Variants in MCCC1 observed in about 807,000 individuals in gnomAD.
The protein encoded by MCCC1 is methylcrotonoyl-CoA carboxylase subunit alpha, mitochondrial.
In MCCC1, 64 loss-of-function variants were observed where a neutral mutation model predicts 83.8. The ratio of observed to expected loss-of-function variants is 0.76; its 90% CI spans 0.62 to 0.94. MCCC1 has a LOEUF of 0.94. Among genes scored for constraint, MCCC1 ranks in the 40% least tolerant of loss-of-function variants. MCCC1 has a pLI of 0.00. For synonymous variants in MCCC1, 322 were observed against 315.4 expected (o/e 1.02, Z -0.22); for missense variants, 807 against 904.7 (o/e 0.89, Z 1.39).
intron 10 of MCCC1, among the ~76,000 whole-genome samples, chr3:183,043,060 C>T (rs1425177260): frequency 6.6e-6 from 1 of 152,208 alleles, no homozygotes; most frequent in East Asian, 1.9e-4. Flanking sequence ...GAGGCCGAGG[C>T]AGGCGGATCA....
At chr3:183,037,116 A>G (rs1362519488) in intron 13 of MCCC1, 102 bp downstream of exon 13, 2 of 1,093,030 alleles carry the variant, frequency 1.8e-6, no homozygotes, top group African/African-American at 3.1e-5. Flanking sequence ...TCAGTCACTG[A>G]GAGGAGAAAA....
At chr3:183,026,541 C>A (rs908676058) in intron 14 of MCCC1, among the ~76,000 whole-genome samples, 2 of 151,968 alleles carry the variant, frequency 1.3e-5, no homozygotes, top group African/African-American at 2.4e-5. Flanking sequence ...GAAACCCGGT[C>A]TCTACTAAAA....
chr3:183,026,491 C>T (rs1184111389), intron 14 of MCCC1, among the ~76,000 whole-genome samples: 1 of 152,008 alleles, frequency 6.6e-6, no homozygotes, highest in Non-Finnish European at 1.5e-5. Flanking sequence ...GAGTGGGGAT[C>T]ACGAAGTCAG....
At chr3:183,050,498 T>C (rs1577292950) in intron 9 of MCCC1, among the ~76,000 whole-genome samples, 1 of 150,956 alleles carries the variant, frequency 6.6e-6, no homozygotes, top group East Asian at 1.9e-4. Context: ...AGGTCAAGAG[T>C]TTGAGATCAG....
intron 11 of MCCC1, among the ~76,000 whole-genome samples, chr3:183,041,161 A>AT (rs1441886387): frequency 1.3e-5 from 2 of 152,064 alleles, no homozygotes; most frequent in Non-Finnish European, 2.9e-5. Flanking sequence ...CTTTACTTTA[A>AT]TTTTTTTATT....
rs191396404 is a variant in MCCC1, at chr3:183,067,899, C to T, written c.761+3100G>A. 2.7e-3 allele frequency among the ~76,000 whole-genome samples: 415 copies of T among 152,210 alleles called. 2 individuals are homozygous for T. Among genetic ancestry groups the T allele is most frequent in the African/African-American group, 9.6e-3 (398 of 41,532 alleles). On this transcript the variant is annotated intron_variant, in intron 7 of 18. Transcript: ENST00000265594. Reference sequence around the variant, plus strand: ...CTTACCAAATTTTTTTTTAAAAACACATAGTAATCTTCCAGATATCACCTT... The same window carrying T: ...CTTACCAAATTTTTTTTTAAAAACATATAGTAATCTTCCAGATATCACCTT...
At chr3:183,099,680 C>T, upstream of MCCC1, 1 of 598,424 alleles carries the variant, frequency 1.7e-6, no homozygotes, top group East Asian at 2.8e-5. Context: ...GGGGTGTGGC[C>T]TTTGTTTCTG....
intron 4 of MCCC1, among the ~76,000 whole-genome samples, chr3:183,082,246 G>A (rs1717566820): frequency 6.6e-6 from 1 of 152,112 alleles, no homozygotes; most frequent in Non-Finnish European, 1.5e-5. Context: ...CAGAGTAGCT[G>A]TATTCAGTAA....
intron 1 of MCCC1, among the ~76,000 whole-genome samples, chr3:183,098,154 C>T (rs1467077974): frequency 6.6e-6 from 1 of 152,226 alleles, no homozygotes; most frequent in African/African-American, 2.4e-5. Context: ...TGGTCTCGAT[C>T]TCCTGACCTC....
At chr3:183,114,369 G>A (rs1187576962) in intron 1 of MCCC1, among the ~76,000 whole-genome samples, 1 of 151,972 alleles carries the variant, frequency 6.6e-6, no homozygotes, top group Non-Finnish European at 1.5e-5. Context: ...TTGAGCGTTA[G>A]CCGTCTCTCG....
At chr3:183,071,428 T>C (rs1716680714) in intron 5 of MCCC1, 71 bp from the exon 6 acceptor site, 2 of 1,598,924 alleles carry the variant, frequency 1.3e-6, no homozygotes, top group African/African-American at 1.3e-5. Flanking sequence ...AACATAAATA[T>C]AGCCCAGTCT....
chr3:183,107,248 T>TA (rs555683864), intron 1 of MCCC1, among the ~76,000 whole-genome samples: 21 of 147,276 alleles, frequency 1.4e-4, no homozygotes, highest in African/African-American at 3.7e-4. Flanking sequence ...CTACTAAGAA[T>TA]AAAAAAAAAA....
chr3:183,109,983 T>C (rs1719468228), intron 1 of MCCC1, among the ~76,000 whole-genome samples: 1 of 152,226 alleles, frequency 6.6e-6, no homozygotes, highest in African/African-American at 2.4e-5. Flanking sequence ...TGATTTTGAT[T>C]TGTATTTCTC....
intron 7 of MCCC1, among the ~76,000 whole-genome samples, chr3:183,070,261 T>A (rs1716561199): frequency 6.6e-6 from 1 of 152,206 alleles, no homozygotes; most frequent in African/African-American, 2.4e-5. Flanking sequence ...TATAGCTGAA[T>A]TTATTACAAT....
rs1716080829 is a variant in MCCC1 at position 183,064,367 on chromosome 3, T to G, written c.761+6632A>C. ...GATCATTGTTTTTAGTTGGTAGACA[T>G]CGACAAGTAGGAAAATTTGCGAGGT... is the stretch of plus-strand genomic sequence containing the variant. On this transcript the variant is annotated intron_variant, in intron 7 of 18. Coordinates refer to ENST00000265594, the MANE Select transcript of MCCC1 (RefSeq NM_020166.5). This position sits in a 1 kb window ranked among gnomAD's most constrained non-coding sequence, Gnocchi z 4.5. Among the ~76,000 whole-genome samples the G allele has an allele frequency of 6.6e-6, 1 of 152,102 alleles. No individual in the cohort carries two copies. The highest frequency in any genetic ancestry group is 6.5e-5 in the Admixed American group (1 of 15,274).
In MCCC1 at chr3:183,034,225, C is replaced by T. The variant is rs914309932; in HGVS notation, c.1595-148G>A. On this transcript the variant is annotated intron_variant, in intron 13 of 18. Coordinates refer to ENST00000265594, the MANE Select transcript of MCCC1 (RefSeq NM_020166.5). ...CAGCACTTTGGGAGGCCAAGGCGGG[C>T]GGATCATGAGGTCAGGAGATCGAGA... 2.0e-4 allele frequency: 121 copies of T among 611,508 alleles called. 1 individual carries two copies. The highest frequency in any genetic ancestry group is 4.5e-4 in the Middle Eastern group (1 of 2,206). 37.9% of individuals were successfully genotyped at this position (611,508 alleles called of 1,614,324 possible).
At chr3:183,044,414 T>C (rs1464766314) in intron 10 of MCCC1, among the ~76,000 whole-genome samples, 2 of 152,154 alleles carry the variant, frequency 1.3e-5, no homozygotes, top group Non-Finnish European at 2.9e-5. Context: ...GTTTGAAAAA[T>C]ACAGTAGGCA....
chr3:183,048,334 C>T (rs1714706433), intron 9 of MCCC1, among the ~76,000 whole-genome samples: 1 of 152,066 alleles, frequency 6.6e-6, no homozygotes, highest in African/African-American at 2.4e-5. Context: ...AATTAAAAGA[C>T]AGAGATTGTT....
intron 14 of MCCC1, among the ~76,000 whole-genome samples, chr3:183,028,143 T>G (rs1217539204): frequency 1.3e-5 from 2 of 152,342 alleles, no homozygotes; most frequent in Admixed American, 1.3e-4. Context: ...TTTACCATTC[T>G]GAAAATCCTA....
Sources: gnomAD v4.1 joint callset for allele counts (sites outside exome capture counted in the v4.1 genomes callset) on GRCh38, gnomAD v4.1.1 for gene constraint, Gnocchi (gnomAD v3.1) non-coding constraint, MANE v1.5 for transcripts, NCBI Gene and HGNC (gene_info 2026-07-23, HGNC 2026-07-21) for gene names.